ADAMTS19: variants seen among roughly 807,000 people sequenced by gnomAD.
ADAMTS19 encodes A disintegrin and metalloproteinase with thrombospondin motifs 19.
Under a neutral mutation model 153.3 loss-of-function variants are expected in ADAMTS19, and 93 were observed. That is an observed-to-expected ratio of 0.61 (90% confidence interval 0.51 to 0.72). The LOEUF is 0.72. Ranked by LOEUF, ADAMTS19 falls within the 30% of genes least tolerant of loss-of-function variation. ADAMTS19 has a pLI of 0.00. For synonymous variants in ADAMTS19, 600 were observed against 556.6 expected (o/e 1.08, Z -1.10); for missense variants, 1,482 against 1,552.1 (o/e 0.95, Z 0.76).
At chr5:129,581,403 T>A (rs566477473) in intron 7 of ADAMTS19, among the ~76,000 whole-genome samples, 143 of 152,302 alleles carry the variant, frequency 9.4e-4, no homozygotes, top group African/African-American at 3.4e-3. Flanking sequence ...GTATTTATAG[T>A]ATTCTCTGAT....
intron 6 of ADAMTS19, among the ~76,000 whole-genome samples, chr5:129,543,502 T>C (rs1752737621): frequency 6.6e-6 from 1 of 152,198 alleles, no homozygotes; most frequent in Non-Finnish European, 1.5e-5. Flanking sequence ...AGTGTAACAT[T>C]ACATTATGTC....
chr5:129,631,160 G>GTTT (rs35770896), intron 10 of ADAMTS19, among the ~76,000 whole-genome samples: 17 of 127,660 alleles, frequency 1.3e-4, no homozygotes, highest in Non-Finnish European at 2.2e-4. Flanking sequence ...AAAATTTTAG[G>GTTT]TTTTTTTTTT....
At chr5:129,582,951 T>C (rs1394634679) in intron 7 of ADAMTS19, among the ~76,000 whole-genome samples, 2 of 152,132 alleles carry the variant, frequency 1.3e-5, no homozygotes, top group South Asian at 2.1e-4. Flanking sequence ...ATCCTATCAT[T>C]ATGATGCTAG....
intron 15 of ADAMTS19, among the ~76,000 whole-genome samples, chr5:129,663,943 T>G (rs1012795655): frequency 6.6e-6 from 1 of 152,214 alleles, no homozygotes; most frequent in Non-Finnish European, 1.5e-5. Flanking sequence ...GAACTCATCC[T>G]TTTTCTGTAT....
chr5:129,699,112 CAT>C (rs536895055), intron 19 of ADAMTS19, among the ~76,000 whole-genome samples: 209 of 152,172 alleles, frequency 1.4e-3, no homozygotes, highest in African/African-American at 4.9e-3. Flanking sequence ...CAGAGAGAAA[CAT>C]AAATTCTATT....
At chr5:129,469,237 A>G (rs903485164) in intron 2 of ADAMTS19, among the ~76,000 whole-genome samples, 1 of 152,164 alleles carries the variant, frequency 6.6e-6, no homozygotes, top group African/African-American at 2.4e-5. Context: ...TTTACCATCC[A>G]GAGATAGACA....
chr5:129,582,447 T>C (rs1437900466), intron 7 of ADAMTS19, among the ~76,000 whole-genome samples: 1 of 152,094 alleles, frequency 6.6e-6, no homozygotes, highest in East Asian at 1.9e-4. Flanking sequence ...TTCATTTGCT[T>C]GTAAATATTA....
chr5:129,672,449 CT>C (rs1561640934), intron 16 of ADAMTS19, among the ~76,000 whole-genome samples: 1 of 152,110 alleles, frequency 6.6e-6, no homozygotes, highest in Non-Finnish European at 1.5e-5. Flanking sequence ...ATACTTGATT[CT>C]GGTAAGCAGG....
chr5:129,590,002 T>A (rs966899274), intron 7 of ADAMTS19, among the ~76,000 whole-genome samples: 3 of 152,170 alleles, frequency 2.0e-5, no homozygotes, highest in Non-Finnish European at 4.4e-5. Flanking sequence ...TTTCTAGCAT[T>A]CTCAGATTTT....
chr5:129,517,539 G>A (rs1351695797), intron 3 of ADAMTS19, among the ~76,000 whole-genome samples: 1 of 151,812 alleles, frequency 6.6e-6, no homozygotes, highest in African/African-American at 2.4e-5. Context: ...ATTATATAGT[G>A]ACCTTCTTTG....
At chr5:129,496,797 A>C (rs1387324077) in intron 2 of ADAMTS19, among the ~76,000 whole-genome samples, 1 of 152,126 alleles carries the variant, frequency 6.6e-6, no homozygotes, top group East Asian at 1.9e-4. Context: ...TGTACAATTG[A>C]ATACACACCA....
rs77640402 is a variant in ADAMTS19, at chr5:129,609,539, T to C, written c.1479-11079T>C. On this transcript the variant is annotated intron_variant, in intron 8 of 22. Coordinates refer to ENST00000274487, the MANE Select transcript of ADAMTS19 (RefSeq NM_133638.6). ...TGCCTTTTAGAGGTTTTTAACCAGA[T>C]TGACAGGAAGTTTACTTATCATGAA... Among the ~76,000 whole-genome samples, 37 of 152,316 alleles carry C rather than the reference T, an allele frequency of 2.4e-4. No individual in the cohort carries two copies. In the East Asian group the frequency reaches 6.8e-3, roughly 28 times the overall value.
chr5:129,534,230 A>C (rs138676119), intron 6 of ADAMTS19, among the ~76,000 whole-genome samples: 7,444 of 152,100 alleles, frequency 0.049, 241 homozygotes, highest in African/African-American at 0.088. Context: ...GTGGGAGTCT[A>C]AGTCTCTTTG....
chr5:129,507,716 G>A lies in ADAMTS19; in HGVS notation c.748-1361G>A, dbSNP rs996622970. Among the ~76,000 whole-genome samples the A allele has an allele frequency of 4.6e-5, 7 of 151,460 alleles. No homozygotes were observed. The Admixed American group carries it at 4.6e-4, about 10-fold the overall frequency. ...CCAGAGTGAGATCTAGAGCGAGAGAGAGAGAGAGAGAGAGAGATTGAGACA... is the reference window on the plus strand; with the variant it reads ...CCAGAGTGAGATCTAGAGCGAGAGAAAGAGAGAGAGAGAGAGATTGAGACA... On this transcript the variant is annotated intron_variant, in intron 2 of 22. Coordinates refer to ENST00000274487, the MANE Select transcript of ADAMTS19 (RefSeq NM_133638.6).
intron 10 of ADAMTS19, among the ~76,000 whole-genome samples, chr5:129,625,014 TATG>T (rs1270436555): frequency 6.9e-6 from 1 of 144,958 alleles, no homozygotes; most frequent in Non-Finnish European, 1.5e-5. Context: ...GGCCCTGGTG[TATG>T]ATATTTTCCC....
intron 6 of ADAMTS19, among the ~76,000 whole-genome samples, chr5:129,547,990 G>A (rs1752924350): frequency 6.6e-6 from 1 of 150,682 alleles, no homozygotes; most frequent in Admixed American, 6.6e-5. Context: ...AGCTGAAACT[G>A]GATCCCTTCC....
In ADAMTS19 at chr5:129,612,325, T is replaced by C. The variant is rs183886453; in HGVS notation, c.1479-8293T>C. 2.0e-3 allele frequency among the ~76,000 whole-genome samples: 301 copies of C among 152,090 alleles called. 2 individuals are homozygous for C. The highest frequency in any genetic ancestry group is 7.1e-3 in the African/African-American group (293 of 41,502). On this transcript the variant is annotated intron_variant, in intron 8 of 22. Transcript: ENST00000274487. ...GAACGCATCATTTTTTATGGCTGCA[T>C]AGTATTCCATGGTGTATATGTGCCA...
At chr5:129,629,772 C>T (rs908121827) in intron 10 of ADAMTS19, among the ~76,000 whole-genome samples, 1 of 152,034 alleles carries the variant, frequency 6.6e-6, no homozygotes, top group Non-Finnish European at 1.5e-5. Flanking sequence ...TGCTGGGTAC[C>T]TTTAGGCCAT....
At position 129,662,397 on chromosome 5, in the gene ADAMTS19, A is replaced by C. The variant is rs543081074; in HGVS notation, c.2426-3102A>C. ...AATGGCTTATTTACTGAAAGTATTTAACTCCCAGTCATTGGCTTTCTCTCT... is the reference window on the plus strand; with the variant it reads ...AATGGCTTATTTACTGAAAGTATTTCACTCCCAGTCATTGGCTTTCTCTCT... On this transcript the variant is annotated intron_variant, in intron 15 of 22. Coordinates refer to ENST00000274487, the MANE Select transcript of ADAMTS19 (RefSeq NM_133638.6). Among the ~76,000 whole-genome samples the C allele has an allele frequency of 3.9e-5, 6 of 152,268 alleles. No homozygotes were observed. In the East Asian group the frequency reaches 1.2e-3, roughly 29 times the overall value.
Sources: gnomAD v4.1 joint callset for allele counts (sites outside exome capture counted in the v4.1 genomes callset) on GRCh38, gnomAD v4.1.1 for gene constraint, MANE v1.5 for transcripts, NCBI Gene and HGNC (gene_info 2026-07-23, HGNC 2026-07-21) for gene names.